The following RUNX1T1 variants were observed in gnomAD, a reference collection of about 807,000 sequenced individuals.
The protein encoded by RUNX1T1 is protein CBFA2T1.
In RUNX1T1, 4 loss-of-function variants were observed where a neutral mutation model predicts 62.8. The ratio of observed to expected loss-of-function variants is 0.06; its 90% CI spans 0.03 to 0.15. The LOEUF (loss-of-function observed/expected upper bound fraction) is 0.15, where lower values mean the gene tolerates loss of function less well. Among genes scored for constraint, RUNX1T1 ranks in the 10% least tolerant of loss-of-function variants. RUNX1T1 has a pLI of 1.00. For synonymous variants in RUNX1T1, 291 were observed against 286.0 expected, an observed-to-expected ratio of 1.02 and a Z score of -0.18; for missense variants, 508 against 754.3, an observed-to-expected ratio of 0.67 and a Z score of 3.82.
Position 92,001,908 on chromosome 8 carries a change from G to C in RUNX1T1, c.659+3208C>G, listed in dbSNP as rs137908105. Among the ~76,000 whole-genome samples, 540 of 152,262 alleles carry C rather than the reference G, an allele frequency of 3.5e-3. 3 individuals are homozygous for C. Among genetic ancestry groups the C allele is most frequent in the African/African-American group, 0.012 (507 of 41,562 alleles). ...CAAAGAAAGAAAGCATTATCTAACA[G>C]TTCTTTTCCCTCTTCCTACACAAAA... On this transcript the variant is annotated intron_variant, in intron 5 of 10. Transcript: ENST00000396218.
At chr8:91,978,733 C>A (rs1814531849) in intron 8 of RUNX1T1, among the ~76,000 whole-genome samples, 1 of 152,120 alleles carries the variant, frequency 6.6e-6, no homozygotes, top group South Asian at 2.1e-4. Flanking sequence ...GTTTATAACA[C>A]CCAAATTGAC....
chr8:92,049,055 A>G (rs1829846244), intron 1 of RUNX1T1, among the ~76,000 whole-genome samples: 1 of 152,170 alleles, frequency 6.6e-6, no homozygotes, highest in African/African-American at 2.4e-5. Flanking sequence ...TACCTATCTC[A>G]CCTGATCAGC....
At chr8:92,050,057 G>C (rs1257559497) in intron 1 of RUNX1T1, among the ~76,000 whole-genome samples, 3 of 151,846 alleles carry the variant, frequency 2.0e-5, no homozygotes, top group African/African-American at 7.3e-5. Flanking sequence ...AAGGCAGTTT[G>C]GCTTCTTCAA....
chr8:92,063,688 C>T (rs181741553), upstream of RUNX1T1: 5 of 152,368 alleles, frequency 3.3e-5, no homozygotes, highest in African/African-American at 4.8e-5. Flanking sequence ...CGCCTGCCTG[C>T]CTTGCATGCC....
intron 1 of RUNX1T1, among the ~76,000 whole-genome samples, chr8:92,057,429 T>C (rs886808028): frequency 3.6e-4 from 55 of 152,212 alleles, no homozygotes; most frequent in African/African-American, 7.7e-4. Flanking sequence ...AGGCTTCAAA[T>C]AGATCACATG....
At chr8:92,047,286 G>A (rs957749228) in intron 1 of RUNX1T1, among the ~76,000 whole-genome samples, 3 of 151,724 alleles carry the variant, frequency 2.0e-5, no homozygotes, top group Admixed American at 6.6e-5. Context: ...CTACATGGCC[G>A]CTTCCCTCAT....
chr8:92,081,249 G>T, intron 1 of RUNX1T1: 1 of 965,984 alleles, frequency 1.0e-6, no homozygotes, highest in Non-Finnish European at 1.2e-6. Context: ...TGCTCCCAGT[G>T]CAAGTATTAT....
At chr8:92,001,918 C>T (rs1388339232) in intron 5 of RUNX1T1, among the ~76,000 whole-genome samples, 1 of 152,134 alleles carries the variant, frequency 6.6e-6, no homozygotes, top group Non-Finnish European at 1.5e-5. Context: ...GTTCTTTTCC[C>T]TCTTCCTACA....
chr8:92,003,435 T>A (rs907665580), intron 5 of RUNX1T1: 2 of 454,272 alleles, frequency 4.4e-6, no homozygotes, highest in African/African-American at 4.0e-5. Flanking sequence ...GTTATGGTTA[T>A]TTAGCAGTTC....
chr8:91,996,757 T>TC (rs1818773204), intron 5 of RUNX1T1, among the ~76,000 whole-genome samples: 1 of 151,692 alleles, frequency 6.6e-6, no homozygotes, highest in South Asian at 2.1e-4. Context: ...TATCTCAGGC[T>TC]CTTTTTTTTT....
rs535650393 is a variant in RUNX1T1 at position 92,054,295 on chromosome 8, G to T, written c.7+8251C>A. Among the ~76,000 whole-genome samples, 5 of 152,228 alleles carry T rather than the reference G, an allele frequency of 3.3e-5. No homozygotes were observed. The South Asian group carries it at 1.0e-3, about 32-fold the overall frequency. On this transcript the variant is annotated intron_variant, in intron 1 of 10. Coordinates refer to ENST00000396218, the Ensembl canonical transcript of RUNX1T1. ...GGGTAAACCGCTGACATAAAGATGA[G>T]GCAGAAAATCCTATCAAGCATAGGC...
intron 5 of RUNX1T1, among the ~76,000 whole-genome samples, chr8:91,994,084 C>A (rs1197420386): frequency 1.3e-5 from 2 of 152,156 alleles, no homozygotes; most frequent in African/African-American, 4.8e-5. Context: ...GAGGGATGCA[C>A]TATTCTGAAT....
At chr8:92,043,382 C>A (rs543529162) in intron 1 of RUNX1T1, among the ~76,000 whole-genome samples, 1 of 150,646 alleles carries the variant, frequency 6.6e-6, no homozygotes. Flanking sequence ...TCTTAACAAC[C>A]AAAAAAGTAT....
At chr8:91,983,358 C>T (rs1286178969) in intron 8 of RUNX1T1, among the ~76,000 whole-genome samples, 3 of 152,128 alleles carry the variant, frequency 2.0e-5, no homozygotes, top group African/African-American at 7.2e-5. Context: ...AGGTACAACA[C>T]ATCAATCATG....
chr8:92,048,918 T>C (rs1215997260), intron 1 of RUNX1T1, among the ~76,000 whole-genome samples: 3 of 152,164 alleles, frequency 2.0e-5, no homozygotes, highest in Non-Finnish European at 4.4e-5. Context: ...GTTTGCAATA[T>C]TATAGCGCCT....
At chr8:92,027,833 C>CA (rs141328708) in intron 1 of RUNX1T1, among the ~76,000 whole-genome samples, 2 of 151,768 alleles carry the variant, frequency 1.3e-5, no homozygotes, top group Admixed American at 6.6e-5. Flanking sequence ...AAACTAATTT[C>CA]AAAAAAATGT....
chr8:92,027,986 C>T (rs1825537639), intron 1 of RUNX1T1, among the ~76,000 whole-genome samples: 1 of 149,866 alleles, frequency 6.7e-6, no homozygotes. Context: ...AGAGATTTTT[C>T]TCTGTTTTGT....
intron 10 of RUNX1T1, among the ~76,000 whole-genome samples, chr8:91,962,405 T>C (rs1157519675): frequency 6.6e-6 from 1 of 152,238 alleles, no homozygotes; most frequent in African/African-American, 2.4e-5. Flanking sequence ...TTGGTTGATA[T>C]GTCAAAAAAT....
intron 1 of RUNX1T1, among the ~76,000 whole-genome samples, chr8:92,060,401 G>A (rs1377883619): frequency 6.6e-6 from 1 of 150,944 alleles, no homozygotes; most frequent in Admixed American, 6.6e-5. Flanking sequence ...GTCTGAATAA[G>A]ATCAGTTTGT....
Sources: allele counts gnomAD v4.1 joint callset (sites outside exome capture counted in the v4.1 genomes callset), GRCh38; gene constraint gnomAD v4.1.1; transcripts MANE v1.5; gene names NCBI Gene and HGNC (gene_info 2026-07-23, HGNC 2026-07-21).